Variants in PPFIBP2 observed in about 807,000 individuals in gnomAD.
PPFIBP2 encodes PPFIB scaffold protein 2.
Under a neutral mutation model 118.3 loss-of-function variants are expected in PPFIBP2, and 118 were observed. The observed-to-expected ratio is 1.00, with a 90% CI of 0.86 to 1.16. The LOEUF (loss-of-function observed/expected upper bound fraction) is 1.16, where lower values mean the gene tolerates loss of function less well. Among genes scored for constraint, PPFIBP2 ranks in the 50% most tolerant of loss-of-function variants. PPFIBP2 has a pLI of 0.00. For synonymous variants in PPFIBP2, 414 were observed against 397.4 expected, an observed-to-expected ratio of 1.04 and a Z score of -0.50; for missense variants, 1,195 against 1,073.1, an observed-to-expected ratio of 1.11 and a Z score of -1.59.
intron 9 of PPFIBP2, 81 bp from the exon 10 acceptor site, chr11:7,629,378 G>A (rs372231367): frequency 1.5e-6 from 2 of 1,360,266 alleles, no homozygotes; most frequent in Non-Finnish European, 2.1e-6. Flanking sequence ...CTTGTGCCAA[G>A]AACATAGCGT....
intron 2 of PPFIBP2, among the ~76,000 whole-genome samples, chr11:7,552,668 C>A (rs1324880911): frequency 6.6e-6 from 1 of 152,236 alleles, no homozygotes; most frequent in Non-Finnish European, 1.5e-5. Context: ...CCACGGCCAG[C>A]AAGGTCTTAG....
rs1305306240 is a variant in PPFIBP2 at position 7,653,691 on chromosome 11, T to C, written c.*473T>C. On this transcript the variant is annotated 3_prime_UTR_variant, in exon 24 of 24. Coordinates refer to ENST00000299492, the MANE Select transcript of PPFIBP2 (RefSeq NM_003621.5). ...ACTTCTGCCACAGTGACAATGGAATTGTGTTGTGCCTTACTTCAGAGGTGG... is the reference window on the plus strand; with the variant it reads ...ACTTCTGCCACAGTGACAATGGAATCGTGTTGTGCCTTACTTCAGAGGTGG... The C allele has an allele frequency of 4.7e-6, 6 of 1,283,922 alleles. No homozygotes were observed. Among genetic ancestry groups the C allele is most frequent in the East Asian group, 1.1e-4 (2 of 17,998 alleles). The allele number at this position is 1,283,922 out of a possible 1,614,324, so 79.5% of individuals were successfully genotyped here. A position where few individuals can be genotyped will look rare whatever the true frequency, so the allele number is the denominator to read the frequency against.
intron 5 of PPFIBP2, among the ~76,000 whole-genome samples, chr11:7,605,115 T>G (rs1042608366): frequency 6.6e-6 from 1 of 152,212 alleles, no homozygotes; most frequent in Non-Finnish European, 1.5e-5. Flanking sequence ...TATTCTGAAC[T>G]AGGGAACAGT....
downstream of PPFIBP2, among the ~76,000 whole-genome samples, chr11:7,660,738 G>A (rs1397172176): frequency 6.6e-6 from 1 of 150,820 alleles, no homozygotes; most frequent in African/African-American, 2.4e-5. Flanking sequence ...GTTCCTCCTT[G>A]TACCTCTGGT....
At chr11:7,640,875 C>T (rs972002475) in intron 15 of PPFIBP2, among the ~76,000 whole-genome samples, 2 of 152,206 alleles carry the variant, frequency 1.3e-5, no homozygotes, top group South Asian at 4.1e-4. Context: ...CTCACCCCCT[C>T]CTTCTCCATG....
chr11:7,605,178 G>A (rs1040449335), intron 5 of PPFIBP2, among the ~76,000 whole-genome samples: 3 of 152,250 alleles, frequency 2.0e-5, no homozygotes, highest in African/African-American at 7.2e-5. Flanking sequence ...AATTGTCGCA[G>A]TTTATCCTTG....
intron 2 of PPFIBP2, among the ~76,000 whole-genome samples, chr11:7,556,914 C>T (rs1262980653): frequency 6.6e-6 from 1 of 152,156 alleles, no homozygotes; most frequent in Non-Finnish European, 1.5e-5. Context: ...TGTGTTGTTT[C>T]TTGGGTGGAT....
chr11:7,625,686 T>C lies in PPFIBP2; in HGVS notation c.712-91T>C, dbSNP rs113704679. On this transcript the variant is annotated intron_variant, in intron 7 of 23. Coordinates refer to ENST00000299492, the MANE Select transcript of PPFIBP2 (RefSeq NM_003621.5). ...TCTCCTAACTCCTGATGCACCCTGG[T>C]GCCTGATGGGGTCTGGACTCTGACG... The C allele has an allele frequency of 4.3e-3, 4,176 of 976,836 alleles. 104 individuals carry two copies. The African/African-American group carries it at 0.057, about 13-fold the overall frequency. The allele number at this position is 976,836 out of a possible 1,614,324, so 60.5% of individuals were successfully genotyped here. A position where few individuals can be genotyped will look rare whatever the true frequency, so the allele number is the denominator to read the frequency against.
the PPFIBP2 span, chr11:7,665,407 C>T: frequency 6.2e-7 from 1 of 1,603,328 alleles, no homozygotes; most frequent in South Asian, 1.1e-5. Flanking sequence ...GGGTATAACC[C>T]AGCTTCTCCA....
intron 3 of PPFIBP2, among the ~76,000 whole-genome samples, chr11:7,589,158 TA>T (rs1858753182): frequency 6.6e-6 from 1 of 152,224 alleles, no homozygotes; most frequent in Non-Finnish European, 1.5e-5. Flanking sequence ...AGGTCTAGCC[TA>T]GTGGCTAATG....
At chr11:7,532,219 G>T (rs1280878354) in intron 1 of PPFIBP2, among the ~76,000 whole-genome samples, 1 of 119,940 alleles carries the variant, frequency 8.3e-6, no homozygotes, top group African/African-American at 3.5e-5. Context: ...GTCCTAATCT[G>T]CTCTGCTTTT....
At chr11:7,645,563 T>C (rs1305835108) in intron 17 of PPFIBP2, among the ~76,000 whole-genome samples, 2 of 152,216 alleles carry the variant, frequency 1.3e-5, no homozygotes, top group Admixed American at 6.5e-5. Flanking sequence ...GCGTGTTCAG[T>C]GGTGCCCTGG....
intron 1 of PPFIBP2, among the ~76,000 whole-genome samples, chr11:7,527,790 G>A (rs1850356849): frequency 6.6e-6 from 1 of 152,146 alleles, no homozygotes; most frequent in Non-Finnish European, 1.5e-5. Context: ...GAAGGCATGA[G>A]TAATGCCAAT....
intron 3 of PPFIBP2, among the ~76,000 whole-genome samples, chr11:7,582,338 C>G (rs370250986): frequency 7.3e-4 from 111 of 152,272 alleles, no homozygotes; most frequent in Middle Eastern, 3.4e-3. Context: ...CCTCAATTTC[C>G]TATGATACCT....
the PPFIBP2 span, chr11:7,666,470 G>C: frequency 6.2e-7 from 1 of 1,612,528 alleles, no homozygotes; most frequent in South Asian, 1.1e-5. Context: ...GCCTGTCCAG[G>C]GTGTACCACA....
At chr11:7,571,473 T>G (rs1855645093) in intron 3 of PPFIBP2, among the ~76,000 whole-genome samples, 1 of 152,202 alleles carries the variant, frequency 6.6e-6, no homozygotes, top group Non-Finnish European at 1.5e-5. Flanking sequence ...AATGTGAGCT[T>G]GAATTTTTTT....
At chr11:7,595,875 G>A (rs1368823179) in intron 4 of PPFIBP2, among the ~76,000 whole-genome samples, 2 of 144,216 alleles carry the variant, frequency 1.4e-5, no homozygotes, top group Non-Finnish European at 3.0e-5. Flanking sequence ...AACTCCTTAG[G>A]AAAAGGATTT....
At chr11:7,554,636 G>T (rs1853378511) in intron 2 of PPFIBP2, among the ~76,000 whole-genome samples, 1 of 152,078 alleles carries the variant, frequency 6.6e-6, no homozygotes, top group African/African-American at 2.4e-5. Context: ...ACGGTGCGAT[G>T]GCCTTTGTCT....
At chr11:7,634,951 T>A (rs1851255545) in intron 13 of PPFIBP2, among the ~76,000 whole-genome samples, 1 of 152,174 alleles carries the variant, frequency 6.6e-6, no homozygotes, top group South Asian at 2.1e-4. Context: ...TAGATTTTTT[T>A]AATGATGAAT....
Sources: gnomAD v4.1 joint callset for allele counts (sites outside exome capture counted in the v4.1 genomes callset) on GRCh38, gnomAD v4.1.1 for gene constraint, MANE v1.5 for transcripts, NCBI Gene and HGNC (gene_info 2026-07-23, HGNC 2026-07-21) for gene names.